The following ANKH variants were observed in gnomAD, a reference collection of about 807,000 sequenced individuals.
The protein encoded by ANKH is ANKH inorganic pyrophosphate transport regulator.
ANKH carries 15 observed loss-of-function variants against 49.0 expected under a neutral mutation model. That is an observed-to-expected ratio of 0.31 (90% confidence interval 0.20 to 0.47). The LOEUF is 0.47. ANKH is among the 20% of genes least tolerant of loss of function. The pLI is 1.00. For synonymous variants in ANKH, 273 were observed against 260.0 expected, an observed-to-expected ratio of 1.05 and a Z score of -0.48; for missense variants, 429 against 652.0, an observed-to-expected ratio of 0.66 and a Z score of 3.72.
In ANKH at chr5:14,860,444, T is replaced by A. The variant is rs180802379; in HGVS notation, c.96+10908A>T. The stretch of plus-strand genomic sequence containing the variant: ...AATGTCAAGTTTAGGCCACACATGG[T>A]GGGAGGCCTCAGCGTCCCAGCCACA... On this transcript the variant is annotated intron_variant, in intron 1 of 11. Transcript: ENST00000284268. Among the ~76,000 whole-genome samples, 13 of 152,330 alleles carry A rather than the reference T, an allele frequency of 8.5e-5. No individual in the cohort carries two copies. In the East Asian group the frequency reaches 2.5e-3, roughly 29 times the overall value.
intron 1 of ANKH, among the ~76,000 whole-genome samples, chr5:14,819,366 T>C (rs1255540608): frequency 6.6e-6 from 1 of 152,238 alleles, no homozygotes; most frequent in African/African-American, 2.4e-5. Context: ...AATGCAGTCA[T>C]GAAAATCTGC....
chr5:14,730,432 A>T (rs570319330), intron 8 of ANKH, among the ~76,000 whole-genome samples: 13 of 152,054 alleles, frequency 8.5e-5, no homozygotes, highest in Non-Finnish European at 1.8e-4. Flanking sequence ...AGGCTGAAAA[A>T]CTCTCAGAAG....
At chr5:14,738,469 G>T (rs1382829523) in intron 8 of ANKH, among the ~76,000 whole-genome samples, 6 of 152,208 alleles carry the variant, frequency 3.9e-5, no homozygotes, top group Admixed American at 3.9e-4. Flanking sequence ...GTGTGGGAAA[G>T]CGTGCTAACG....
intron 8 of ANKH, among the ~76,000 whole-genome samples, chr5:14,723,251 G>A (rs1737724115): frequency 6.6e-6 from 1 of 151,916 alleles, no homozygotes; most frequent in Non-Finnish European, 1.5e-5. Context: ...CTCCTCGGTT[G>A]TAACATGCGC....
intron 1 of ANKH, among the ~76,000 whole-genome samples, chr5:14,795,611 G>T (rs1160080667): frequency 1.3e-5 from 2 of 152,242 alleles, no homozygotes; most frequent in African/African-American, 2.4e-5. Context: ...CACTTTGGGA[G>T]GCAAAGGCAG....
chr5:14,780,067 T>C (rs1412650498), intron 1 of ANKH, among the ~76,000 whole-genome samples: 1 of 151,934 alleles, frequency 6.6e-6, no homozygotes. Context: ...TTTTTTTTTT[T>C]TTTCTGACCA....
chr5:14,811,585 T>C (rs1291409176), intron 1 of ANKH, among the ~76,000 whole-genome samples: 1 of 152,182 alleles, frequency 6.6e-6, no homozygotes, highest in Non-Finnish European at 1.5e-5. Context: ...GATATGAAAA[T>C]AACAAAAAGA....
At chr5:14,825,665 A>G (rs1431503578) in intron 1 of ANKH, among the ~76,000 whole-genome samples, 1 of 152,156 alleles carries the variant, frequency 6.6e-6, no homozygotes, top group Admixed American at 6.6e-5. Flanking sequence ...AAGCCTTTTA[A>G]TAAACATATC....
intron 2 of ANKH, among the ~76,000 whole-genome samples, chr5:14,764,628 A>G (rs1739200971): frequency 6.6e-6 from 1 of 152,252 alleles, no homozygotes; most frequent in East Asian, 1.9e-4. Flanking sequence ...GTGGTTTTTT[A>G]CACGACAATA....
chr5:14,871,480 T>G lies in ANKH; in HGVS notation c.-33A>C. On this transcript the variant is annotated 5_prime_UTR_variant, in exon 1 of 12. Transcript: ENST00000284268. ...GCCGTGGGCTGACCCCACACACATC[T>G]GCTGCCGCGAGGGGACTCTGCGGGG... The G allele has an allele frequency of 6.4e-7, 1 of 1,569,236 alleles. No homozygotes were observed. Among genetic ancestry groups the G allele is most frequent in the Non-Finnish European group, 8.7e-7 (1 of 1,145,750 alleles).
chr5:14,819,753 C>A (rs961572915), intron 1 of ANKH, among the ~76,000 whole-genome samples: 3 of 152,056 alleles, frequency 2.0e-5, no homozygotes, highest in African/African-American at 7.2e-5. Flanking sequence ...ATAGTCCCAA[C>A]TACTTGGGAG....
In ANKH at chr5:14,871,419, T is replaced by A. The variant is rs1735819905; in HGVS notation, c.29A>T (p.Tyr10Phe). 4.3e-6 allele frequency: 7 copies of A among 1,612,782 alleles called. No homozygotes were observed. Among genetic ancestry groups the A allele is most frequent in the Non-Finnish European group, 5.9e-6 (7 of 1,179,522 alleles). MVKFPALTH[Y>F]WPLIRFLVPL... is the part of the protein sequence containing the mutation. ...CACCAAGAACCGGATCAGGGGCCAG[T>A]AGTGCGTGAGCGCCGGGAATTTCAC... Residue 10 changes from tyrosine (Y) to phenylalanine (F), a missense_variant, in exon 1 of 12, where the codon TAC becomes TTC. Coordinates refer to ENST00000284268, the MANE Select transcript of ANKH (RefSeq NM_054027.6).
rs1269501878 is a variant in ANKH, at chr5:14,709,550, A to G, written c.*1647T>C. On this transcript the variant is annotated 3_prime_UTR_variant, in exon 12 of 12. Coordinates refer to ENST00000284268, the MANE Select transcript of ANKH (RefSeq NM_054027.6). Reference sequence around the variant, plus strand: ...ATTCTTTTTTGCTGTGAGGAACAATATGATCACACAGCACTGAAAACGGTA... The same window carrying G: ...ATTCTTTTTTGCTGTGAGGAACAATGTGATCACACAGCACTGAAAACGGTA... 6.6e-6 allele frequency: 1 copy of G among 152,214 alleles called. No homozygotes were observed. The highest frequency in any genetic ancestry group is 1.9e-4 in the East Asian group (1 of 5,196). The allele number at this position is 152,214 out of a possible 1,614,324, so 9.4% of individuals were successfully genotyped here.
At chr5:14,756,557 T>C (rs1738891179) in intron 3 of ANKH, among the ~76,000 whole-genome samples, 1 of 152,182 alleles carries the variant, frequency 6.6e-6, no homozygotes. Flanking sequence ...ACCTTCAAGG[T>C]TGATTTGGAC....
intron 1 of ANKH, among the ~76,000 whole-genome samples, chr5:14,813,564 C>G (rs1430557528): frequency 6.6e-6 from 1 of 152,074 alleles, no homozygotes; most frequent in Non-Finnish European, 1.5e-5. Context: ...TCCTGGAAAC[C>G]CCCAATGTGA....
At chr5:14,842,031 T>A (rs977006040) in intron 1 of ANKH, among the ~76,000 whole-genome samples, 2 of 152,168 alleles carry the variant, frequency 1.3e-5, no homozygotes, top group Non-Finnish European at 2.9e-5. Flanking sequence ...ATAATAAACC[T>A]TGAGCAATTT....
chr5:14,850,881 T>C (rs1430521237), intron 1 of ANKH, among the ~76,000 whole-genome samples: 2 of 151,738 alleles, frequency 1.3e-5, no homozygotes, highest in Non-Finnish European at 3.0e-5. Context: ...TTTTTTTTTT[T>C]CTCCTGATGA....
At chr5:14,717,042 C>T in intron 8 of ANKH, 4 of 580,154 alleles carry the variant, frequency 6.9e-6, no homozygotes, top group South Asian at 1.8e-5. Context: ...CATGTCTGTA[C>T]CCAGGGGACC....
chr5:14,826,506 G>T (rs1001631839), intron 1 of ANKH, among the ~76,000 whole-genome samples: 48 of 152,124 alleles, frequency 3.2e-4, no homozygotes, highest in African/African-American at 1.1e-3. Flanking sequence ...ATCAAATGGG[G>T]ATAATTCTGG....
Sources: allele counts gnomAD v4.1 joint callset (sites outside exome capture counted in the v4.1 genomes callset), GRCh38; gene constraint gnomAD v4.1.1; transcripts MANE v1.5; gene names NCBI Gene and HGNC (gene_info 2026-07-23, HGNC 2026-07-21).